Variants in MCM10 observed in about 807,000 individuals in gnomAD.
MCM10 encodes the protein minichromosome maintenance 10 replication initiation factor.
A neutral mutation model predicts 109.9 loss-of-function variants in MCM10; 91 were observed. The observed-to-expected ratio is 0.83, with a 90% CI of 0.70 to 0.99. MCM10 has a LOEUF of 0.99. Among genes scored for constraint, MCM10 ranks in the 50% least tolerant of loss-of-function variants. The probability of loss-of-function intolerance (pLI) is 0.00; values close to 1 mark genes in which losing one functional copy is unlikely to be tolerated. For missense variants in MCM10, 1,077 were observed against 1,061.2 expected (o/e 1.01, Z -0.21); for synonymous variants, 380 against 387.2 (o/e 0.98, Z 0.22).
At position 13,209,373 on chromosome 10, in the gene MCM10, T is replaced by C. The variant is rs548944121; in HGVS notation, c.*63T>C. 1.5e-6 allele frequency: 2 copies of C among 1,302,348 alleles called. No individual in the cohort carries two copies. Among genetic ancestry groups the C allele is most frequent in the African/African-American group, 2.9e-5 (2 of 68,558 alleles). The allele number at this position is 1,302,348 out of a possible 1,614,324, so 80.7% of individuals were successfully genotyped here. The stretch of plus-strand genomic sequence containing the variant: ...TCCTGTGACTCTGGAAAGCAAAGGA[T>C]TGGCTGTGTATTGTCCATTGATTCC... On this transcript the variant is annotated 3_prime_UTR_variant, in exon 20 of 20. Transcript: ENST00000378714.
At chr10:13,168,759 A>C (rs76230716) in intron 2 of MCM10, among the ~76,000 whole-genome samples, 6,409 of 152,308 alleles carry the variant, frequency 0.042, 183 homozygotes, top group Admixed American at 0.076. Context: ...AAAAATATTT[A>C]AGTGACACAT....
chr10:13,206,206 T>C (rs1397166435), intron 18 of MCM10, among the ~76,000 whole-genome samples: 1 of 152,186 alleles, frequency 6.6e-6, no homozygotes, highest in South Asian at 2.1e-4. Flanking sequence ...CTCGGCTCTG[T>C]GTTTGTAGGA....
At chr10:13,173,030 A>G (rs1306794617) in intron 5 of MCM10, among the ~76,000 whole-genome samples, 1 of 152,112 alleles carries the variant, frequency 6.6e-6, no homozygotes, top group Non-Finnish European at 1.5e-5. Flanking sequence ...GTAGTATAGC[A>G]AGACCCTATC....
intron 18 of MCM10, 104 bp downstream of exon 18, chr10:13,204,468 C>A: frequency 1.4e-6 from 2 of 1,393,452 alleles, no homozygotes; most frequent in Non-Finnish European, 2.0e-6. Flanking sequence ...TCATTCCATG[C>A]CTTCCTATAG....
At chr10:13,162,458 G>A (rs1446567153) in intron 1 of MCM10, among the ~76,000 whole-genome samples, 1 of 152,192 alleles carries the variant, frequency 6.6e-6, no homozygotes, top group Non-Finnish European at 1.5e-5. Flanking sequence ...AGATTGCACG[G>A]GGACAAAGAG....
chr10:13,170,458 G>T (rs1197275346), intron 2 of MCM10, among the ~76,000 whole-genome samples: 1 of 151,910 alleles, frequency 6.6e-6, no homozygotes, highest in African/African-American at 2.4e-5. Context: ...TTATTCCCTT[G>T]TTGGTTGAAT....
At chr10:13,178,495 G>C (rs781055121) in intron 6 of MCM10, among the ~76,000 whole-genome samples, 1 of 152,218 alleles carries the variant, frequency 6.6e-6, no homozygotes, top group Non-Finnish European at 1.5e-5. Flanking sequence ...TTGTTGAAGA[G>C]ACTGTCCTTT....
chr10:13,183,138 T>C (rs770938210), intron 8 of MCM10, 38 bp downstream of exon 8: 1 of 1,596,956 alleles, frequency 6.3e-7, no homozygotes, highest in Non-Finnish European at 8.5e-7. Flanking sequence ...GATGATTGTC[T>C]TTACAAGTTA....
chr10:13,171,405 A>G (rs749745792), intron 3 of MCM10, 142 bp downstream of exon 3: 1 of 810,288 alleles, frequency 1.2e-6, no homozygotes. Flanking sequence ...AAAGAAAATT[A>G]TATGAGTTGG....
At chr10:13,207,384 A>ATAGGCTACCAGAG (rs1834596989) in intron 18 of MCM10, among the ~76,000 whole-genome samples, 1 of 152,108 alleles carries the variant, frequency 6.6e-6, no homozygotes, top group Non-Finnish European at 1.5e-5. Flanking sequence ...TGATCGACAT[A>ATAGGCTACCAGAG]TAGGCTACCA....
intron 8 of MCM10, among the ~76,000 whole-genome samples, chr10:13,183,369 G>A (rs757546168): frequency 6.6e-6 from 1 of 151,962 alleles, no homozygotes; most frequent in Non-Finnish European, 1.5e-5. Flanking sequence ...GCGGTGGGAG[G>A]TTGAGGCTGT....
At chr10:13,177,255 G>C (rs1040865609) in intron 6 of MCM10, among the ~76,000 whole-genome samples, 2 of 152,298 alleles carry the variant, frequency 1.3e-5, no homozygotes, top group African/African-American at 2.4e-5. Context: ...GGGTCTCTTT[G>C]TCATTGTTAA....
At chr10:13,179,961 A>G (rs1834188752) in intron 6 of MCM10, among the ~76,000 whole-genome samples, 1 of 152,208 alleles carries the variant, frequency 6.6e-6, no homozygotes, top group Non-Finnish European at 1.5e-5. Context: ...AGCTTTAAAA[A>G]TTATCTTAGA....
chr10:13,168,359 T>G (rs1564380204), intron 2 of MCM10, among the ~76,000 whole-genome samples: 1 of 152,230 alleles, frequency 6.6e-6, no homozygotes, highest in African/African-American at 2.4e-5. Flanking sequence ...GAAGTTTGGC[T>G]ACTGGCTTTT....
chr10:13,170,360 T>G (rs1834053738), intron 2 of MCM10, among the ~76,000 whole-genome samples: 1 of 145,612 alleles, frequency 6.9e-6, no homozygotes, highest in Non-Finnish European at 1.6e-5. Flanking sequence ...TTATATAGTT[T>G]GTATCTTTTT....
In MCM10 at chr10:13,171,279, G is replaced by A. The variant is rs769344971; in HGVS notation, c.349+16G>A. On this transcript the variant is annotated intron_variant, in intron 3 of 19. Transcript: ENST00000378714. Reference sequence around the variant, plus strand: ...GAGTTGCAAGGTGCCCTAACTACTTGCCTTCCTTATTTCTTTCGGATAAGT... The same window carrying A: ...GAGTTGCAAGGTGCCCTAACTACTTACCTTCCTTATTTCTTTCGGATAAGT... 3.2e-6 allele frequency: 5 copies of A among 1,580,962 alleles called. No individual in the cohort carries two copies. The Admixed American group carries it at 9.3e-5, about 29-fold the overall frequency.
chr10:13,192,554 A>G lies in MCM10; in HGVS notation c.1731A>G (p.Glu577=). ...RMLEMRRRKS[E]EIQKRFLQSS... is the part of the protein sequence containing the mutation. Reference sequence around the variant, plus strand: ...TGGAGATGAGGAGAAGGAAATCAGAAGAAATACAGAAGCGGTAAGAGGAGC... The same window carrying G: ...TGGAGATGAGGAGAAGGAAATCAGAGGAAATACAGAAGCGGTAAGAGGAGC... The change falls in exon 13 of 20, where the codon GAA becomes GAG. Residue 577 remains glutamate (E), a synonymous_variant. Coordinates refer to ENST00000378714, the MANE Select transcript of MCM10 (RefSeq NM_018518.5). The G allele has an allele frequency of 1.2e-6, 2 of 1,614,172 alleles. No homozygotes were observed. The highest frequency in any genetic ancestry group is 2.2e-5 in the South Asian group (2 of 91,082).
rs1313046802 is a variant in MCM10, at chr10:13,191,351, G to A, written c.1468G>A (p.Val490Ile). ...KKIQTTLSNL[V>I]VKGTNLIIQE... Reference sequence around the variant, plus strand: ...GATTCAAACCACTCTGAGTAATCTGGTTGTTAAGGGCACAAACTTGATCAT... The same window carrying A: ...GATTCAAACCACTCTGAGTAATCTGATTGTTAAGGGCACAAACTTGATCAT... Residue 490 changes from valine to isoleucine, a missense_variant, in exon 11 of 20, where the codon GTT becomes ATT. Transcript: ENST00000378714. 1 of 1,614,016 alleles carries A rather than the reference G, an allele frequency of 6.2e-7. No individual in the cohort carries two copies. The highest frequency in any genetic ancestry group is 8.5e-7 in the Non-Finnish European group (1 of 1,180,024).
intron 10 of MCM10, among the ~76,000 whole-genome samples, chr10:13,190,366 A>G (rs1346391036): frequency 6.6e-6 from 1 of 152,228 alleles, no homozygotes; most frequent in African/African-American, 2.4e-5. Context: ...ATAAAAACCA[A>G]CTATAATCCT....
Sources: allele counts gnomAD v4.1 joint callset (sites outside exome capture counted in the v4.1 genomes callset), GRCh38; gene constraint gnomAD v4.1.1; transcripts MANE v1.5; gene names NCBI Gene and HGNC (gene_info 2026-07-23, HGNC 2026-07-21).